PPP6C: variants seen among roughly 807,000 people sequenced by gnomAD.
PPP6C encodes the protein protein phosphatase 6 catalytic subunit, also known as serine/threonine-protein phosphatase 6 catalytic subunit.
In PPP6C, 11 loss-of-function variants were observed where a neutral mutation model predicts 39.8. That is an observed-to-expected ratio of 0.28 (90% CI 0.17 to 0.46). The LOEUF (loss-of-function observed/expected upper bound fraction) is 0.46. Ranked by LOEUF, PPP6C falls within the 20% of genes least tolerant of loss-of-function variation. PPP6C has a pLI of 1.00. For synonymous variants in PPP6C, 129 were observed against 130.3 expected, an observed-to-expected ratio of 0.99 and a Z score of 0.07; for missense variants, 211 against 373.9, an observed-to-expected ratio of 0.56 and a Z score of 3.59.
Position 125,147,585 on chromosome 9 carries a change from G to A in PPP6C, c.*2088C>T, listed in dbSNP as rs1181719875. On this transcript the variant is annotated 3_prime_UTR_variant, in exon 7 of 7. Transcript: ENST00000373547. ...AAGAGAAATCAGGCAAAACAGAGAT[G>A]GCAGATAAGGAATGGAGAGAATATT... The A allele has an allele frequency of 2.0e-5, 3 of 152,134 alleles. No homozygotes were observed. The highest frequency in any genetic ancestry group is 4.1e-4 in the South Asian group (2 of 4,826). The allele number at this position is 152,134 out of a possible 1,614,324, so 9.4% of individuals were successfully genotyped here.
intron 1 of PPP6C, among the ~76,000 whole-genome samples, chr9:125,182,834 TTTGGGGGGCAAAATTGCCCCCAG>T (rs1829446624): frequency 6.6e-6 from 1 of 151,132 alleles, no homozygotes; most frequent in African/African-American, 2.4e-5. Context: ...CCAAAAATTC[TTTGGGGGGCAAAATTGCCCCCAG>T]TTGAGAACGA....
chr9:125,155,892 G>A (rs1407923863), intron 4 of PPP6C, among the ~76,000 whole-genome samples: 3 of 134,536 alleles, frequency 2.2e-5, no homozygotes, highest in African/African-American at 5.7e-5. Flanking sequence ...GTGACAGAGC[G>A]AGACTCCGTC....
At chr9:125,183,717 T>G (rs1408886345) in intron 1 of PPP6C, among the ~76,000 whole-genome samples, 1 of 152,190 alleles carries the variant, frequency 6.6e-6, no homozygotes, top group African/African-American at 2.4e-5. Context: ...GTTTGCATGT[T>G]CTTTCCTTCT....
chr9:125,164,984 G>A (rs562164707), intron 2 of PPP6C, among the ~76,000 whole-genome samples: 6 of 152,154 alleles, frequency 3.9e-5, no homozygotes, highest in South Asian at 2.1e-4. Flanking sequence ...TGATCCGCCC[G>A]CCTCGGCCTC....
chr9:125,182,996 A>G (rs950511301), intron 1 of PPP6C, among the ~76,000 whole-genome samples: 2 of 152,052 alleles, frequency 1.3e-5, no homozygotes, highest in Non-Finnish European at 2.9e-5. Flanking sequence ...CTCTATCTCA[A>G]TGTCTTAGCT....
At chr9:125,184,036 A>G (rs1249348757) in intron 1 of PPP6C, among the ~76,000 whole-genome samples, 2 of 152,204 alleles carry the variant, frequency 1.3e-5, no homozygotes, top group African/African-American at 4.8e-5. Context: ...AGGCAGGAGA[A>G]TCACCTGAAG....
intron 4 of PPP6C, among the ~76,000 whole-genome samples, chr9:125,156,227 C>A (rs373351251): frequency 2.0e-5 from 3 of 152,152 alleles, no homozygotes; most frequent in Admixed American, 6.6e-5. Context: ...CTCAAAATTT[C>A]TCTAATTGAT....
At chr9:125,165,469 C>T (rs1224735792) in intron 2 of PPP6C, among the ~76,000 whole-genome samples, 4 of 151,930 alleles carry the variant, frequency 2.6e-5, no homozygotes, top group African/African-American at 9.7e-5. Context: ...ATTAACTTTT[C>T]CAAAACAAAA....
At chr9:125,150,505 G>A (rs1835909467) in intron 6 of PPP6C, 1 of 412,060 alleles carries the variant, frequency 2.4e-6, no homozygotes, top group East Asian at 5.8e-5. Flanking sequence ...GAAAACAGTT[G>A]AAAGTTCAAA....
rs184551803 is a variant in PPP6C at position 125,156,299 on chromosome 9, A to G, written c.379+1942T>C. On this transcript the variant is annotated intron_variant, in intron 4 of 6. Coordinates refer to ENST00000373547, the MANE Select transcript of PPP6C (RefSeq NM_002721.5). ...TATCTTTGCTTTGTTTCGTTTTGAG[A>G]CAGCCTCACTGTCATCCAGGCTGGA... Among the ~76,000 whole-genome samples the G allele has an allele frequency of 2.2e-3, 334 of 152,308 alleles. 3 individuals carry two copies. Among genetic ancestry groups the G allele is most frequent in the African/African-American group, 7.7e-3 (319 of 41,568 alleles).
At chr9:125,186,706 T>C (rs537939887) in intron 1 of PPP6C, among the ~76,000 whole-genome samples, 1 of 151,718 alleles carries the variant, frequency 6.6e-6, no homozygotes. Flanking sequence ...GCCATGATTG[T>C]GCCACCACAC....
At chr9:125,185,571 G>A (rs1588299163) in intron 1 of PPP6C, among the ~76,000 whole-genome samples, 1 of 151,514 alleles carries the variant, frequency 6.6e-6, no homozygotes, top group Admixed American at 6.6e-5. Context: ...GTGGGTGCCT[G>A]TAATCCCAGC....
rs1479720714 is a variant in PPP6C, at chr9:125,177,666, A to G, written c.76-6486T>C. ...TACGTTTGTTACAGATGATGAGCAT[A>G]CACTGACATATCATTATCATCCAAA... On this transcript the variant is annotated intron_variant, in intron 1 of 6. Coordinates refer to ENST00000373547, the MANE Select transcript of PPP6C (RefSeq NM_002721.5). Among the ~76,000 whole-genome samples the G allele has an allele frequency of 2.6e-5, 4 of 152,206 alleles. No individual in the cohort carries two copies. In the East Asian group the frequency reaches 7.7e-4, roughly 29 times the overall value.
intron 1 of PPP6C, among the ~76,000 whole-genome samples, chr9:125,184,566 A>C (rs1373254770): frequency 1.3e-5 from 2 of 151,982 alleles, no homozygotes; most frequent in Non-Finnish European, 2.9e-5. Context: ...CAAAGAAAAA[A>C]AAAAAAAGAA....
Position 125,148,507 on chromosome 9 carries a change from CTTGT to C in PPP6C, c.*1162_*1165del, listed in dbSNP as rs1835861450. On this transcript the variant is annotated 3_prime_UTR_variant, in exon 7 of 7. Coordinates refer to ENST00000373547, the MANE Select transcript of PPP6C (RefSeq NM_002721.5). ...CACAGACCTTTGCAAAAAAGAAGAA[CTTGT>C]TTCTTTTTCTACACTTTAAATAATC... 2 of 149,124 alleles carry C rather than the reference CTTGT, an allele frequency of 1.3e-5. No individual in the cohort carries two copies. The highest frequency in any genetic ancestry group is 3.0e-5 in the Non-Finnish European group (2 of 66,978). 9.2% of individuals were successfully genotyped at this position (149,124 alleles called of 1,614,324 possible).
At chr9:125,185,990 C>A (rs1829522860) in intron 1 of PPP6C, among the ~76,000 whole-genome samples, 1 of 152,020 alleles carries the variant, frequency 6.6e-6, no homozygotes, top group Non-Finnish European at 1.5e-5. Context: ...CAAACAAAAA[C>A]AGTTATGTAG....
chr9:125,150,882 ACTGCTTCAGCGAGC>A, intron 6 of PPP6C: 1 of 837,054 alleles, frequency 1.2e-6, no homozygotes, highest in South Asian at 1.3e-5. Flanking sequence ...TACCTGCAAG[ACTGCTTCAGCGAGC>A]CAGCTTACTG....
At chr9:125,167,306 G>A (rs573874930) in intron 2 of PPP6C, among the ~76,000 whole-genome samples, 12 of 148,584 alleles carry the variant, frequency 8.1e-5, no homozygotes, top group African/African-American at 1.8e-4. Flanking sequence ...ACTTGAACCC[G>A]GGAGGCAGAG....
Position 125,153,643 on chromosome 9 carries a change from G to A in PPP6C, c.559C>T (p.His187Tyr). The change falls in exon 6 of 7, where the codon CAT becomes TAT. Residue 187 changes from histidine to tyrosine, a missense_variant. Physicochemically the swap from His to Tyr is moderately conservative, Grantham distance 83. Coordinates refer to ENST00000373547, the MANE Select transcript of PPP6C (RefSeq NM_002721.5). ...ACCAGATCACAAAATGCTCCTTTAT[G>A]AGGAATTTCCTGATTCCGTTCGATG... is the stretch of plus-strand genomic sequence containing the variant. The part of the protein sequence containing the change: ...RTIERNQEIP[H>Y]KGAFCDLVWS... 6.2e-7 allele frequency: 1 copy of A among 1,614,142 alleles called. No individual in the cohort carries two copies. Among genetic ancestry groups the A allele is most frequent in the Non-Finnish European group, 8.5e-7 (1 of 1,180,006 alleles).
Sources: allele counts gnomAD v4.1 joint callset (sites outside exome capture counted in the v4.1 genomes callset), GRCh38; gene constraint gnomAD v4.1.1; transcripts MANE v1.5; gene names NCBI Gene and HGNC (gene_info 2026-07-23, HGNC 2026-07-21).